The following ZCCHC14 variants were observed in gnomAD, a reference collection of about 807,000 sequenced individuals.
ZCCHC14 encodes zinc finger CCHC-type containing 14, also known as zinc finger CCHC domain-containing protein 14.
ZCCHC14 carries 16 observed loss-of-function variants against 85.0 expected under a neutral mutation model. The ratio of observed to expected loss-of-function variants is 0.19; its 90% CI spans 0.13 to 0.29. The LOEUF is 0.29. ZCCHC14 is among the 10% of genes least tolerant of loss of function. ZCCHC14 has a pLI of 1.00. For synonymous variants in ZCCHC14, 775 were observed against 630.7 expected (o/e 1.23, Z -3.43); for missense variants, 1,303 against 1,443.5 (o/e 0.90, Z 1.58).
At chr16:87,426,212 C>T (rs1399033202) in intron 3 of ZCCHC14, among the ~76,000 whole-genome samples, 4 of 152,148 alleles carry the variant, frequency 2.6e-5, no homozygotes, top group African/African-American at 9.7e-5. Context: ...CCGACTTGCC[C>T]CAGAGAGCCA....
chr16:87,438,251 G>T (rs1289076314), intron 2 of ZCCHC14, among the ~76,000 whole-genome samples: 3 of 152,270 alleles, frequency 2.0e-5, no homozygotes, highest in Admixed American at 6.5e-5. Context: ...GGCGTGCACG[G>T]GGGCTGGACT....
rs775586934 is a variant in ZCCHC14 at position 87,411,550 on chromosome 16, G to A, written c.3171C>T (p.Asp1057=). 6.8e-6 allele frequency: 11 copies of A among 1,613,582 alleles called. No homozygotes were observed. The African/African-American group carries it at 1.1e-4, about 16-fold the overall frequency. ...NCGATGHRAQ[D]CKQPSMDFNR... is the part of the protein sequence containing the mutation. ...TGAAGTCCATGGACGGCTGTTTGCA[G>A]TCCTGGGCGCGGTGACCAGTGGCCC... Residue 1057 remains aspartate, a synonymous_variant, in exon 12 of 13, where the codon GAC becomes GAT. Coordinates refer to ENST00000671377, the MANE Select transcript of ZCCHC14 (RefSeq NM_015144.3).
rs1022906168 is a variant in ZCCHC14 at position 87,413,188 on chromosome 16, C to G, written c.1611G>C (p.Arg537=). The G allele has an allele frequency of 1.3e-5, 21 of 1,566,750 alleles. No individual in the cohort carries two copies. Among genetic ancestry groups the G allele is most frequent in the Admixed American group, 5.7e-5 (3 of 52,920 alleles). The change falls in exon 11 of 13, where the codon CGG becomes CGC. Residue 537 remains arginine (R), a synonymous_variant. Coordinates refer to ENST00000671377, the MANE Select transcript of ZCCHC14 (RefSeq NM_015144.3). ...GGTGATGGGGCTGCTCCACTTCCAC[C>G]CGCAGCTCTGCAGAAAAGGGACAGA... ...SGRGSHAAEL[R]VEVEQPHHQL...
chr16:87,445,131 A>T (rs555549584), intron 2 of ZCCHC14, among the ~76,000 whole-genome samples: 1 of 150,036 alleles, frequency 6.7e-6, no homozygotes, highest in Non-Finnish European at 1.5e-5. Flanking sequence ...CAGCGGTGTG[A>T]TATCAGCTCA....
At chr16:87,432,582 C>T (rs778013789) in intron 3 of ZCCHC14, among the ~76,000 whole-genome samples, 13 of 152,110 alleles carry the variant, frequency 8.5e-5, no homozygotes, top group Admixed American at 2.0e-4. Context: ...GTCCAGGGAA[C>T]GGGGTGGCCT....
At chr16:87,453,680 T>C (rs1910818776) in intron 2 of ZCCHC14, among the ~76,000 whole-genome samples, 2 of 152,220 alleles carry the variant, frequency 1.3e-5, no homozygotes, top group Non-Finnish European at 2.9e-5. Flanking sequence ...CCAGACAATA[T>C]TCCCTGTTGC....
At chr16:87,466,077 G>C (rs1161673045) in intron 1 of ZCCHC14, among the ~76,000 whole-genome samples, 1 of 152,148 alleles carries the variant, frequency 6.6e-6, no homozygotes, top group Non-Finnish European at 1.5e-5. Context: ...GCTGACGCTG[G>C]CTGCAGGTTG....
intron 2 of ZCCHC14, among the ~76,000 whole-genome samples, chr16:87,449,421 GCCCT>G (rs1910590609): frequency 6.6e-6 from 1 of 151,984 alleles, no homozygotes; most frequent in Admixed American, 6.5e-5. Context: ...GGGCTCCTAG[GCCCT>G]CCATCCATGA....
chr16:87,469,375 T>C (rs1911676569), intron 1 of ZCCHC14, among the ~76,000 whole-genome samples: 1 of 152,246 alleles, frequency 6.6e-6, no homozygotes, highest in Non-Finnish European at 1.5e-5. Context: ...CAAGGTCATC[T>C]GGCCAGTAGG....
intron 7 of ZCCHC14, among the ~76,000 whole-genome samples, chr16:87,418,382 G>A (rs936397445): frequency 4.6e-5 from 7 of 152,144 alleles, no homozygotes; most frequent in Non-Finnish European, 8.8e-5. Flanking sequence ...TCGAAACCTC[G>A]CGCCCAGACA....
Position 87,446,798 on chromosome 16 carries a change from C to T in ZCCHC14, c.694+13210G>A, listed in dbSNP as rs1341170266. The stretch of plus-strand genomic sequence containing the variant: ...TCCACCTCCCAAGCAATTCTCTTGT[C>T]TCAGCCTCCCGAGTCGCTGGGATTA... On this transcript the variant is annotated intron_variant, in intron 2 of 12. Transcript: ENST00000671377. Among the ~76,000 whole-genome samples the T allele has an allele frequency of 3.3e-5, 5 of 152,052 alleles. No homozygotes were observed. In the South Asian group the frequency reaches 8.3e-4, roughly 25 times the overall value.
chr16:87,471,749 A>G (rs530797828), intron 1 of ZCCHC14: 1 of 152,304 alleles, frequency 6.6e-6, no homozygotes, highest in East Asian at 1.9e-4. Flanking sequence ...TAAAGTCGAG[A>G]GCCCTAGGGA....
chr16:87,469,853 ACAGCCACCC>A (rs1203374879), intron 1 of ZCCHC14, among the ~76,000 whole-genome samples: 1 of 152,126 alleles, frequency 6.6e-6, no homozygotes, highest in Admixed American at 6.5e-5. Flanking sequence ...AGAGCCACCC[ACAGCCACCC>A]CAGCTCCGTG....
At chr16:87,428,985 T>C (rs1909514667) in intron 3 of ZCCHC14, among the ~76,000 whole-genome samples, 1 of 152,254 alleles carries the variant, frequency 6.6e-6, no homozygotes, top group South Asian at 2.1e-4. Context: ...TTGACAGTCT[T>C]GGAACGTTAC....
At chr16:87,467,049 T>TG in intron 1 of ZCCHC14, 1 of 390,290 alleles carries the variant, frequency 2.6e-6, no homozygotes, top group African/African-American at 2.1e-5. Flanking sequence ...AAAATTGTTT[T>TG]TTTTTTTTTT....
intron 9 of ZCCHC14, among the ~76,000 whole-genome samples, chr16:87,414,770 A>T (rs942781001): frequency 1.3e-5 from 2 of 152,234 alleles, no homozygotes; most frequent in African/African-American, 4.8e-5. Flanking sequence ...AACCTAAGAC[A>T]CATTTGTAGA....
At chr16:87,483,344 A>G in intron 1 of ZCCHC14, among the ~76,000 whole-genome samples, 1 of 132,936 alleles carries the variant, frequency 7.5e-6, no homozygotes. Flanking sequence ...AAAAAAAATT[A>G]GCCAGGCTTG....
chr16:87,480,665 C>T (rs1453990709), intron 1 of ZCCHC14, among the ~76,000 whole-genome samples: 1 of 152,170 alleles, frequency 6.6e-6, no homozygotes. Context: ...ACGGATGCTC[C>T]GCAGGTGAGC....
intron 3 of ZCCHC14, among the ~76,000 whole-genome samples, chr16:87,425,971 T>A (rs1217874500): frequency 6.6e-6 from 1 of 152,238 alleles, no homozygotes; most frequent in Non-Finnish European, 1.5e-5. Context: ...CCAACAGTTA[T>A]GCACTTTAAT....
Sources: allele counts gnomAD v4.1 joint callset (sites outside exome capture counted in the v4.1 genomes callset), GRCh38; gene constraint gnomAD v4.1.1; transcripts MANE v1.5; gene names NCBI Gene and HGNC (gene_info 2026-07-23, HGNC 2026-07-21).